Variants in ACSM6 observed in about 807,000 individuals in gnomAD.
ACSM6 encodes acyl-coenzyme A synthetase ACSM6, mitochondrial.
Under a neutral mutation model 51.1 loss-of-function variants are expected in ACSM6, and 35 were observed. The observed-to-expected ratio is 0.69, with a 90% CI of 0.52 to 0.91. The LOEUF is 0.91. Ranked by LOEUF, ACSM6 falls within the 40% of genes least tolerant of loss-of-function variation. The pLI, the probability that ACSM6 is intolerant of heterozygous loss-of-function variation, is 0.00. For synonymous variants in ACSM6, 172 were observed against 207.3 expected, an observed-to-expected ratio of 0.83 and a Z score of 1.46; for missense variants, 509 against 584.1, an observed-to-expected ratio of 0.87 and a Z score of 1.32.
exon 4 of ACSM6, chr10:95,207,232 C>A: frequency 1.2e-6 from 2 of 1,614,084 alleles, no homozygotes; most frequent in Non-Finnish European, 1.7e-6. Context: ...CCTGGGAGCC[C>A]CCAGCTGACT....
At chr10:95,213,169 G>C (rs79270098) in intron 7 of ACSM6, among the ~76,000 whole-genome samples, 1 of 152,130 alleles carries the variant, frequency 6.6e-6, no homozygotes, top group African/African-American at 2.4e-5. Flanking sequence ...TTAGAAGGTT[G>C]AGTTTGTTAA....
intron 9 of ACSM6, 69 bp from the exon 10 acceptor site, chr10:95,225,221 C>A: frequency 1.8e-6 from 2 of 1,131,102 alleles, no homozygotes; most frequent in Non-Finnish European, 2.6e-6. Context: ...AAGTTTAGAT[C>A]TTGTGGTGTT....
chr10:95,212,112 C>T, intron 6 of ACSM6, 78 bp downstream of exon 6: 3 of 1,544,492 alleles, frequency 1.9e-6, no homozygotes, highest in Non-Finnish European at 2.7e-6. Context: ...TGACTCATGC[C>T]CAGAATGGGG....
chr10:95,207,145 G>T, intron 3 of ACSM6, 63 bp from the exon 4 acceptor site: 1 of 1,519,718 alleles, frequency 6.6e-7, no homozygotes, highest in Non-Finnish European at 9.0e-7. Flanking sequence ...CTGCCAGAAT[G>T]CTTGAGGAAA....
At chr10:95,214,106 G>C (rs998676628) in intron 7 of ACSM6, among the ~76,000 whole-genome samples, 3 of 152,094 alleles carry the variant, frequency 2.0e-5, no homozygotes, top group Non-Finnish European at 4.4e-5. Context: ...TGATGTAATG[G>C]TATATTTGGG....
chr10:95,225,154 A>G, intron 9 of ACSM6, 136 bp from the exon 10 acceptor site: 1 of 659,212 alleles, frequency 1.5e-6, no homozygotes. Context: ...GTTGCCCAGT[A>G]TCTAAGTACA....
At chr10:95,219,782 T>A in intron 8 of ACSM6, 109 bp from the exon 9 acceptor site, 1 of 787,590 alleles carries the variant, frequency 1.3e-6, no homozygotes, top group Non-Finnish European at 2.1e-6. Context: ...TGTTAGACTG[T>A]GTAATGTTGT....
At chr10:95,228,470 C>A in intron 10 of ACSM6, 174 bp from the exon 11 acceptor site, 1 of 568,208 alleles carries the variant, frequency 1.8e-6, no homozygotes, top group East Asian at 3.3e-5. Flanking sequence ...AGAGAAATGA[C>A]CAAGGAAAGT....
chr10:95,197,082 C>T (rs1210814020), intron 2 of ACSM6, among the ~76,000 whole-genome samples: 2 of 152,174 alleles, frequency 1.3e-5, no homozygotes, highest in East Asian at 3.9e-4. Flanking sequence ...AGTGCCAATT[C>T]CCACACTCAA....
chr10:95,206,615 T>C (rs1411091031), intron 3 of ACSM6, among the ~76,000 whole-genome samples: 1 of 152,196 alleles, frequency 6.6e-6, no homozygotes, highest in Non-Finnish European at 1.5e-5. Context: ...CATCACCAGT[T>C]AATCCTAGAA....
chr10:95,212,862 T>C lies in ACSM6; in HGVS notation c.917T>C (p.Leu306Pro), dbSNP rs1375686523. The change falls in exon 7 of 11, where the codon CTG becomes CCG. Residue 306 changes from leucine to proline, a missense_variant. Transcript: ENST00000341686. ...TTTCCTTCCTTTGGGGCCCAGGTCC[T>C]GTCCAGATTTCCCATCACCACTCTA... The C allele has an allele frequency of 6.2e-6, 10 of 1,612,744 alleles. No individual in the cohort carries two copies. The East Asian group carries it at 2.2e-4, about 36-fold the overall frequency.
At chr10:95,214,893 G>T (rs1312307602) in exon 8 of ACSM6, 1 of 1,551,570 alleles carries the variant, frequency 6.4e-7, no homozygotes, top group Admixed American at 2.0e-5. Context: ...GCTGCAGGAG[G>T]ACCCATCAGC....
At chr10:95,207,017 GTTT>G (rs568443494) in intron 3 of ACSM6, among the ~76,000 whole-genome samples, 188 bp from the exon 4 acceptor site, 134 of 152,300 alleles carry the variant, frequency 8.8e-4, no homozygotes, top group Non-Finnish European at 1.6e-3. Context: ...TCACTGGATT[GTTT>G]CAGTGGGCTC....
chr10:95,194,401 C>A, intron 1 of ACSM6, 64 bp from the exon 2 acceptor site: 1 of 1,265,592 alleles, frequency 7.9e-7, no homozygotes, highest in Non-Finnish European at 1.1e-6. Context: ...CTCAGCACTA[C>A]AATCTCAGTG....
chr10:95,227,368 G>C (rs2035048927), intron 10 of ACSM6, among the ~76,000 whole-genome samples: 1 of 152,054 alleles, frequency 6.6e-6, no homozygotes, highest in African/African-American at 2.4e-5. Context: ...GAAAATTTTG[G>C]TTACTTCCAA....
intron 9 of ACSM6, among the ~76,000 whole-genome samples, chr10:95,220,548 A>C (rs2034986698): frequency 6.6e-6 from 1 of 152,222 alleles, no homozygotes; most frequent in Non-Finnish European, 1.5e-5. Context: ...TCATTTTAAG[A>C]TAGTCCTTTG....
At chr10:95,225,474 GC>G (rs2035029032) in intron 10 of ACSM6, 83 bp downstream of exon 10, 1 of 1,004,680 alleles carries the variant, frequency 1.0e-6, no homozygotes, top group Admixed American at 3.4e-5. Flanking sequence ...TTTATGATTT[GC>G]CAAATACTTT....
At chr10:95,226,162 A>G (rs1026242152) in intron 10 of ACSM6, 2 of 152,220 alleles carry the variant, frequency 1.3e-5, no homozygotes, top group East Asian at 1.9e-4. Context: ...GTAATTAGTA[A>G]TAATCTGCCG....
At chr10:95,207,898 T>C (rs1344325871) in intron 4 of ACSM6, among the ~76,000 whole-genome samples, 1 of 152,096 alleles carries the variant, frequency 6.6e-6, no homozygotes, top group Non-Finnish European at 1.5e-5. Flanking sequence ...CCTAGCACTT[T>C]GGGAGGCCAA....
Sources: gnomAD v4.1 joint callset for allele counts (sites outside exome capture counted in the v4.1 genomes callset) on GRCh38, gnomAD v4.1.1 for gene constraint, MANE v1.5 for transcripts, NCBI Gene and HGNC (gene_info 2026-07-23, HGNC 2026-07-21) for gene names.